The following RAB5A variants were observed in gnomAD, a reference collection of about 807,000 sequenced individuals.
RAB5A encodes RAB5A, member RAS oncogene family.
In RAB5A, 8 loss-of-function variants were observed where a neutral mutation model predicts 25.7. The ratio of observed to expected loss-of-function variants is 0.31; its 90% CI spans 0.18 to 0.56. RAB5A has a LOEUF of 0.56. Among genes scored for constraint, RAB5A ranks in the 20% least tolerant of loss-of-function variants. The pLI is 0.91. For synonymous variants in RAB5A, 98 were observed against 89.8 expected (o/e 1.09, Z -0.52); for missense variants, 192 against 259.7 (o/e 0.74, Z 1.79).
In RAB5A at chr3:19,973,503, A is replaced by T. The variant is rs185839602; in HGVS notation, c.164-2098A>T. Reference sequence around the variant, plus strand: ...TCTTAGGGACTTAATTTTAGTTTAAAATTTTAGTTTAAAAACATTTTTTGA... The same window carrying T: ...TCTTAGGGACTTAATTTTAGTTTAATATTTTAGTTTAAAAACATTTTTTGA... On this transcript the variant is annotated intron_variant, in intron 2 of 5. Transcript: ENST00000273047. Among the ~76,000 whole-genome samples, 12 of 152,152 alleles carry T rather than the reference A, an allele frequency of 7.9e-5. No homozygotes were observed. In the East Asian group the frequency reaches 2.3e-3, roughly 29 times the overall value.
At chr3:19,969,005 T>C (rs1181146981) in intron 2 of RAB5A, among the ~76,000 whole-genome samples, 1 of 151,784 alleles carries the variant, frequency 6.6e-6, no homozygotes. Context: ...CTTGGGTTTT[T>C]TGCAAATTGG....
At position 19,972,637 on chromosome 3, in the gene RAB5A, A is replaced by C. The variant is rs1342168426; in HGVS notation, c.164-2964A>C. On this transcript the variant is annotated intron_variant, in intron 2 of 5. Transcript: ENST00000273047. Reference sequence around the variant, plus strand: ...AATCTCGTGTGTTTATTAGGAATGGATATTGACTCAAATGCCTTTTTGTAA... The same window carrying C: ...AATCTCGTGTGTTTATTAGGAATGGCTATTGACTCAAATGCCTTTTTGTAA... 3.3e-5 allele frequency among the ~76,000 whole-genome samples: 5 copies of C among 152,296 alleles called. No homozygotes were observed. In the East Asian group the frequency reaches 9.6e-4, roughly 29 times the overall value.
chr3:19,979,096 C>T (rs1406621294), intron 5 of RAB5A, among the ~76,000 whole-genome samples: 2 of 152,014 alleles, frequency 1.3e-5, no homozygotes, highest in South Asian at 2.1e-4. Context: ...CCTGCTTCTG[C>T]CTCCTGAATT....
chr3:19,983,757 C>T lies in RAB5A; in HGVS notation c.582C>T (p.Ala194=), dbSNP rs773447888. The T allele has an allele frequency of 2.5e-6, 4 of 1,612,506 alleles. No homozygotes were observed. The highest frequency in any genetic ancestry group is 3.3e-5 in the Admixed American group (2 of 59,984). The change falls in exon 6 of 6, where the codon GCC becomes GCT. Residue 194 remains alanine, a synonymous_variant. Coordinates refer to ENST00000273047, the MANE Select transcript of RAB5A (RefSeq NM_004162.5). The stretch of plus-strand genomic sequence containing the variant: ...CACAAAATCCAGGAGCAAATTCTGC[C>T]AGAGGAAGAGGAGTAGACCTTACCG... ...NEPQNPGANS[A]RGRGVDLTEP...
chr3:19,963,374 C>T (rs182456529), intron 2 of RAB5A, among the ~76,000 whole-genome samples: 2 of 123,856 alleles, frequency 1.6e-5, no homozygotes, highest in Non-Finnish European at 3.3e-5. Context: ...ACCCCCCCCC[C>T]CCCCGACTTA....
At chr3:19,955,047 T>A (rs1365371911) in intron 2 of RAB5A, among the ~76,000 whole-genome samples, 1 of 152,184 alleles carries the variant, frequency 6.6e-6, no homozygotes, top group South Asian at 2.1e-4. Context: ...CTTCTTTACT[T>A]GGTACTGCAT....
At chr3:19,970,132 C>T (rs1432469946) in intron 2 of RAB5A, among the ~76,000 whole-genome samples, 1 of 151,256 alleles carries the variant, frequency 6.6e-6, no homozygotes, top group East Asian at 1.9e-4. Flanking sequence ...GAATTCCAGA[C>T]CTTGTGATCC....
In RAB5A at chr3:19,978,356, C is replaced by T. The variant is rs1696859352; in HGVS notation, c.485C>T (p.Thr162Ile). 6.2e-7 allele frequency: 1 copy of T among 1,610,714 alleles called. No individual in the cohort carries two copies. Among genetic ancestry groups the T allele is most frequent in the Non-Finnish European group, 8.5e-7 (1 of 1,177,278 alleles). Residue 162 changes from threonine to isoleucine, a missense_variant, in exon 5 of 6, where the codon ACA (threonine) becomes ATA (isoleucine). Transcript: ENST00000273047. ...GACAATAGTTTATTATTCATGGAGA[C>T]ATCCGCTAAAACATCAATGAATGTA... ...ADDNSLLFME[T>I]SAKTSMNVNE... is the part of the protein sequence containing the mutation.
At chr3:19,953,386 A>G (rs564496583) in intron 2 of RAB5A, among the ~76,000 whole-genome samples, 3 of 148,796 alleles carry the variant, frequency 2.0e-5, no homozygotes, top group Non-Finnish European at 3.0e-5. Flanking sequence ...ACAAAAAGGA[A>G]TTTGCATCCA....
chr3:19,951,700 A>ATTTTTTTTTTTTTTTTTTTTTT, intron 2 of RAB5A, among the ~76,000 whole-genome samples: 1 of 26,756 alleles, frequency 3.7e-5, no homozygotes, highest in African/African-American at 2.0e-4. Context: ...ATGCCAGGCA[A>ATTTTTTTTTTTTTTTTTTTTTT]GTTTTTTTTT....
In RAB5A at chr3:19,984,413, G is replaced by T; in HGVS notation, c.*590G>T. 1.9e-5 allele frequency: 4 copies of T among 206,198 alleles called. No homozygotes were observed. Among genetic ancestry groups the T allele is most frequent in the South Asian group, 1.2e-4 (2 of 16,004 alleles). The allele number at this position is 206,198 out of a possible 1,614,324, so 12.8% of individuals were successfully genotyped here. ...ATGGTATCTTAATTATACCCAGTCTGGTTTTTTTTTTTTAAATGGGGTAAA... is the reference window on the plus strand; with the variant it reads ...ATGGTATCTTAATTATACCCAGTCTTGTTTTTTTTTTTTAAATGGGGTAAA... On this transcript the variant is annotated 3_prime_UTR_variant, in exon 6 of 6. Transcript: ENST00000273047.
chr3:19,949,867 G>C (rs1696397469), intron 1 of RAB5A, among the ~76,000 whole-genome samples: 1 of 152,014 alleles, frequency 6.6e-6, no homozygotes, highest in Non-Finnish European at 1.5e-5. Context: ...CAACATAGCA[G>C]TTAAGTGTCT....
chr3:19,953,371 T>TAAAAACA (rs905470008), intron 2 of RAB5A, among the ~76,000 whole-genome samples: 2 of 151,148 alleles, frequency 1.3e-5, no homozygotes, highest in Admixed American at 1.3e-4. Context: ...GCTTCCTGTT[T>TAAAAACA]AAAAACAAAA....
intron 4 of RAB5A, 63 bp from the exon 5 acceptor site, chr3:19,978,247 A>G: frequency 9.5e-7 from 1 of 1,047,182 alleles, no homozygotes; most frequent in Non-Finnish European, 1.5e-6. Flanking sequence ...ACAAGTTTAA[A>G]GCAGGTGTAG....
At chr3:19,955,720 G>A (rs1459955631) in intron 2 of RAB5A, among the ~76,000 whole-genome samples, 4 of 151,938 alleles carry the variant, frequency 2.6e-5, no homozygotes, top group Admixed American at 6.6e-5. Flanking sequence ...ATGAAACCCT[G>A]TCTCTGCTAA....
intron 2 of RAB5A, among the ~76,000 whole-genome samples, chr3:19,971,974 A>G (rs1025264662): frequency 6.6e-6 from 1 of 152,160 alleles, no homozygotes; most frequent in Non-Finnish European, 1.5e-5. Context: ...ATTTTTGAAC[A>G]TCTGTATGAA....
In RAB5A at chr3:19,975,638, T is replaced by C. The variant is rs1696814741; in HGVS notation, c.201T>C (p.Thr67=). The change falls in exon 3 of 6, where the codon ACT becomes ACC. Residue 67 remains threonine (T), a synonymous_variant. Transcript: ENST00000273047. ...FLTQTVCLDD[T]TVKFEIWDTA... is the part of the protein sequence containing the mutation. ...CCCAAACTGTATGTCTTGATGACAC[T>C]ACAGTAAAGTTTGAAATATGGGATA... The C allele has an allele frequency of 1.2e-6, 2 of 1,614,052 alleles. No homozygotes were observed. The highest frequency in any genetic ancestry group is 2.2e-5 in the East Asian group (1 of 44,858).
At chr3:19,969,044 G>GTTTTTTTTTTTTTTTTTTTT (rs746635502) in intron 2 of RAB5A, among the ~76,000 whole-genome samples, 6 of 65,548 alleles carry the variant, frequency 9.2e-5, no homozygotes, top group South Asian at 1.1e-3. Flanking sequence ...TTTTTTTTTT[G>GTTTTTTTTTTTTTTTTTTTT]GTTTTTTTTT....
rs1229567856 is a variant in RAB5A at position 19,978,415 on chromosome 3, A to T, written c.532+12A>T. ...ATTCATGGCAATAGGTAAGATTAATATCTCTTTTTAAATGATCAATATAAG... is the reference window on the plus strand; with the variant it reads ...ATTCATGGCAATAGGTAAGATTAATTTCTCTTTTTAAATGATCAATATAAG... On this transcript the variant is annotated intron_variant, in intron 5 of 5. Transcript: ENST00000273047. The T allele has an allele frequency of 1.3e-6, 2 of 1,532,332 alleles. No individual in the cohort carries two copies. The highest frequency in any genetic ancestry group is 1.4e-5 in the African/African-American group (1 of 72,854). 94.9% of individuals were successfully genotyped at this position (1,532,332 alleles called of 1,614,324 possible).
Sources: allele counts gnomAD v4.1 joint callset (sites outside exome capture counted in the v4.1 genomes callset), GRCh38; gene constraint gnomAD v4.1.1; transcripts MANE v1.5; gene names NCBI Gene and HGNC (gene_info 2026-07-23, HGNC 2026-07-21).